The following C5 variants were observed in gnomAD, a reference collection of about 807,000 sequenced individuals.
C5 encodes the protein complement C5, also known as C3 and PZP-like alpha-2-macroglobulin domain-containing protein 4.
A neutral mutation model predicts 218.8 loss-of-function variants in C5; 140 were observed. The ratio of observed to expected loss-of-function variants is 0.64; its 90% confidence interval spans 0.56 to 0.74. The LOEUF (loss-of-function observed/expected upper bound fraction) is 0.74. Ranked by LOEUF, C5 falls within the 30% of genes least tolerant of loss-of-function variation. The probability of loss-of-function intolerance (pLI) is 0.00; values close to 1 mark genes in which losing one functional copy is unlikely to be tolerated. For synonymous variants in C5, 614 were observed against 682.3 expected (o/e 0.90, Z 1.56); for missense variants, 1,700 against 1,969.6 (o/e 0.86, Z 2.59).
At chr9:120,963,334 G>A (rs971100128) in intron 34 of C5, among the ~76,000 whole-genome samples, 10 of 151,568 alleles carry the variant, frequency 6.6e-5, no homozygotes, top group Admixed American at 1.3e-4. Flanking sequence ...GAGAAACCTC[G>A]TCTCTACTAA....
At chr9:120,989,813 C>T (rs745800342) in intron 23 of C5, 33 bp from the exon 24 acceptor site, 29 of 1,526,738 alleles carry the variant, frequency 1.9e-5, no homozygotes, top group Non-Finnish European at 2.6e-5. Flanking sequence ...AGACACATTG[C>T]TTTTTATTAA....
intron 22 of C5, among the ~76,000 whole-genome samples, chr9:120,993,961 A>AT (rs2131718835): frequency 6.6e-6 from 1 of 152,268 alleles, no homozygotes; most frequent in South Asian, 2.1e-4. Context: ...ACCAATGAGG[A>AT]TGGTGTGTCA....
intron 22 of C5, 117 bp downstream of exon 22, chr9:120,996,123 G>A (rs1414892756): frequency 1.2e-6 from 1 of 858,362 alleles, no homozygotes; most frequent in African/African-American, 1.7e-5. Flanking sequence ...CTGGCCAGAA[G>A]TGGATACTAC....
intron 25 of C5, among the ~76,000 whole-genome samples, chr9:120,986,233 T>C (rs1202717874): frequency 1.3e-5 from 2 of 152,058 alleles, no homozygotes; most frequent in Non-Finnish European, 2.9e-5. Context: ...TGTATATATA[T>C]ACTATATAAA....
chr9:120,981,814 G>A (rs760055835), intron 27 of C5, 30 bp downstream of exon 27: 3 of 1,421,480 alleles, frequency 2.1e-6, no homozygotes, highest in Admixed American at 3.3e-5. Flanking sequence ...AATAGATGAT[G>A]GGTGTGAGAG....
chr9:120,955,754 T>C (rs1228425988), intron 39 of C5, among the ~76,000 whole-genome samples: 1 of 152,026 alleles, frequency 6.6e-6, no homozygotes, highest in Non-Finnish European at 1.5e-5. Flanking sequence ...TTGAAAAATA[T>C]TACTAGAATT....
chr9:120,955,025 T>A (rs1269797111), intron 39 of C5, among the ~76,000 whole-genome samples: 1 of 152,230 alleles, frequency 6.6e-6, no homozygotes, highest in Non-Finnish European at 1.5e-5. Flanking sequence ...GCAACTACCC[T>A]GGGCTTCAAC....
At chr9:121,032,034 GC>G in intron 6 of C5, 78 bp downstream of exon 6, 1 of 832,248 alleles carries the variant, frequency 1.2e-6, no homozygotes, top group East Asian at 2.7e-5. Flanking sequence ...CTGCACTCCA[GC>G]CTGGGCAACA....
chr9:120,989,064 C>G lies in C5; in HGVS notation c.3212G>C (p.Gly1071Ala). The G allele has an allele frequency of 6.2e-7, 1 of 1,613,414 alleles. No homozygotes were observed. The highest frequency in any genetic ancestry group is 8.5e-7 in the Non-Finnish European group (1 of 1,179,310). ...NADYSYSVWK[G>A]GSASTWLTAF... ...TACTTACCAAGTGCTAGCACTTCCA[C>G]CCTTCCACACACTGTAAGAGTAGTC... is the stretch of plus-strand genomic sequence containing the variant. Residue 1071 changes from glycine (G) to alanine (A), a missense_variant, in exon 25 of 41, where the codon GGT becomes GCT. Gly to Ala is a moderately conservative substitution (Grantham distance 60). Transcript: ENST00000223642.
intron 10 of C5, 93 bp downstream of exon 10, chr9:121,023,311 G>T: frequency 2.4e-6 from 2 of 840,860 alleles, no homozygotes; most frequent in Non-Finnish European, 4.2e-6. Context: ...TGACTTCATG[G>T]CAACATTCTT....
rs903522910 is a variant in C5, at chr9:120,976,595, A to G, written c.3864+105T>C. ...TCAATTCTAGGCATTATTCATATCTATTGCATGCTCATTTGGTGGACAAAG... is the reference window on the plus strand; with the variant it reads ...TCAATTCTAGGCATTATTCATATCTGTTGCATGCTCATTTGGTGGACAAAG... On this transcript the variant is annotated intron_variant, in intron 29 of 40. Transcript: ENST00000223642. 9 of 891,842 alleles carry G rather than the reference A, an allele frequency of 1.0e-5. No homozygotes were observed. The African/African-American group carries it at 1.5e-4, about 15-fold the overall frequency. The allele number at this position is 891,842 out of a possible 1,614,324, so 55.2% of individuals were successfully genotyped here.
At chr9:121,006,350 C>T (rs1207498994) in intron 19 of C5, among the ~76,000 whole-genome samples, 1 of 152,084 alleles carries the variant, frequency 6.6e-6, no homozygotes, top group African/African-American at 2.4e-5. Context: ...TCATTATTGG[C>T]TCCATGTTTA....
chr9:121,017,411 T>C lies in C5; in HGVS notation c.1817A>G (p.Asp606Gly). ...MDSWVALAAV[D>G]SAVYGVQRGA... is the part of the protein sequence containing the mutation. ...TCTTTGGACTCCATACACAGCACTG[T>C]CCACTGCTGCTAATGCCACCCAGGA... Residue 606 changes from aspartate to glycine, a missense_variant, in exon 14 of 41, where the codon GAC becomes GGC. Transcript: ENST00000223642. 6.2e-7 allele frequency: 1 copy of C among 1,614,014 alleles called. No homozygotes were observed. The highest frequency in any genetic ancestry group is 8.5e-7 in the Non-Finnish European group (1 of 1,179,966).
the C5 span, among the ~76,000 whole-genome samples, chr9:121,058,188 G>A: frequency 3.3e-5 from 5 of 152,196 alleles, no homozygotes; most frequent in African/African-American, 4.8e-5. Flanking sequence ...CAGTTATTGT[G>A]ATAATTAACT....
chr9:121,019,228 A>G (rs2047342618), intron 12 of C5, among the ~76,000 whole-genome samples: 1 of 151,976 alleles, frequency 6.6e-6, no homozygotes, highest in South Asian at 2.1e-4. Context: ...TGGATTTGGT[A>G]TCTAGTCCAT....
At chr9:120,968,579 C>T (rs1000180854) in intron 33 of C5, among the ~76,000 whole-genome samples, 2 of 152,190 alleles carry the variant, frequency 1.3e-5, no homozygotes, top group Non-Finnish European at 2.9e-5. Context: ...GGTTTAACAT[C>T]AGTGGTTCTC....
chr9:121,007,129 CA>C lies in C5; in HGVS notation c.2349-153del, dbSNP rs2047222541. Reference sequence around the variant, plus strand: ...ATCACATCATTAAGGAAAACCTCATCAAGAAAAATATATTCAGTAACTCTCT... The same window carrying C: ...ATCACATCATTAAGGAAAACCTCATCAGAAAAATATATTCAGTAACTCTCT... On this transcript the variant is annotated intron_variant, in intron 18 of 40. Coordinates refer to ENST00000223642, the MANE Select transcript of C5 (RefSeq NM_001735.3). 1.3e-5 allele frequency: 9 copies of C among 675,132 alleles called. No individual in the cohort carries two copies. The Admixed American group carries it at 1.5e-4, about 12-fold the overall frequency. The allele number at this position is 675,132 out of a possible 1,614,324, so 41.8% of individuals were successfully genotyped here.
rs41311915 is a variant in C5 at position 120,981,402 on chromosome 9, G to A, written c.3486+442C>T. On this transcript the variant is annotated intron_variant, in intron 27 of 40. Coordinates refer to ENST00000223642, the MANE Select transcript of C5 (RefSeq NM_001735.3). ...AAGCAAATGTTGTTTGGAAGGATTT[G>A]GAGGATACACATTTGCTGTTGTGTA... Among the ~76,000 whole-genome samples the A allele has an allele frequency of 8.4e-3, 1,283 of 152,298 alleles. 13 individuals are homozygous for A. Among genetic ancestry groups the A allele is most frequent in the African/African-American group, 0.029 (1,207 of 41,562 alleles).
chr9:120,976,591 A>G, intron 29 of C5, 109 bp downstream of exon 29: 1 of 874,132 alleles, frequency 1.1e-6, no homozygotes, highest in Non-Finnish European at 2.0e-6. Flanking sequence ...CATTATTCAT[A>G]TCTATTGCAT....
Sources: allele counts gnomAD v4.1 joint callset (sites outside exome capture counted in the v4.1 genomes callset), GRCh38; gene constraint gnomAD v4.1.1; transcripts MANE v1.5; gene names NCBI Gene and HGNC (gene_info 2026-07-23, HGNC 2026-07-21).